Variants in HEXB observed in about 807,000 individuals in gnomAD.
HEXB encodes beta-hexosaminidase subunit beta.
In HEXB, 51 loss-of-function variants were observed where a neutral mutation model predicts 71.2. The observed-to-expected ratio is 0.72, with a 90% CI of 0.57 to 0.90. HEXB has a LOEUF of 0.90. Ranked by LOEUF, HEXB falls within the 40% of genes least tolerant of loss-of-function variation. The pLI is 0.00. For synonymous variants in HEXB, 266 were observed against 249.3 expected, an observed-to-expected ratio of 1.07 and a Z score of -0.63; for missense variants, 617 against 677.0, an observed-to-expected ratio of 0.91 and a Z score of 0.98.
rs1748136528 is a variant in HEXB, at chr5:74,652,485, C to G, written c.-377+11927C>G. ...CGCTCCCATGTGTTGGGATGTTTTG[C>G]AAAATTTTTTACATTCAAAAGAGTC... On this transcript the variant is annotated intron_variant, in intron 1 of 13. Coordinates refer to the HEXB transcript ENST00000511181. This position sits in a 1 kb window ranked among gnomAD's most constrained non-coding sequence, Gnocchi z 5.4. 6.6e-6 allele frequency among the ~76,000 whole-genome samples: 1 copy of G among 152,134 alleles called. No homozygotes were observed. The highest frequency in any genetic ancestry group is 6.5e-5 in the Admixed American group (1 of 15,276).
At chr5:74,647,079 A>G (rs1436014061) in intron 1 of HEXB, among the ~76,000 whole-genome samples, 4 of 152,206 alleles carry the variant, frequency 2.6e-5, no homozygotes, top group East Asian at 1.9e-4. Flanking sequence ...ACTCAGATCT[A>G]TCAGAATCAC....
At chr5:74,677,644 C>T (rs569171181) in intron 1 of HEXB, among the ~76,000 whole-genome samples, 1 of 152,110 alleles carries the variant, frequency 6.6e-6, no homozygotes, top group East Asian at 1.9e-4. Context: ...ACTGTCACTG[C>T]TTCTTTTTGG....
intron 1 of HEXB, among the ~76,000 whole-genome samples, chr5:74,651,850 G>A (rs1257277682): frequency 6.6e-6 from 1 of 152,208 alleles, no homozygotes. Flanking sequence ...GTATGCCTTG[G>A]TGCTAGAAGT....
intron 1 of HEXB, among the ~76,000 whole-genome samples, chr5:74,663,889 G>T (rs1748378173): frequency 6.6e-6 from 1 of 152,180 alleles, no homozygotes; most frequent in African/African-American, 2.4e-5. Flanking sequence ...ATCTTGGGAG[G>T]CTGAGACAGG....
In HEXB at chr5:74,713,501, T is replaced by C. The variant is rs2112171612; in HGVS notation, c.772-5T>C. 2 of 1,610,816 alleles carry C rather than the reference T, an allele frequency of 1.2e-6. No homozygotes were observed. Among genetic ancestry groups the C allele is most frequent in the Middle Eastern group, 1.7e-4 (1 of 6,052 alleles). On this transcript the variant is annotated splice_region_variant and splice_polypyrimidine_tract_variant and intron_variant, in intron 6 of 13. Transcript: ENST00000261416. ...TTTTAACTTGAATAAATATGGCTTT[T>C]ACAGGGAAGCTATTCTTTGTCTCAT...
chr5:74,710,202 A>C (rs912235039), intron 6 of HEXB, among the ~76,000 whole-genome samples: 27 of 152,248 alleles, frequency 1.8e-4, no homozygotes, highest in African/African-American at 6.5e-4. Flanking sequence ...GATTATCTCA[A>C]TGGATGCAGA....
At chr5:74,719,963 A>ACG in intron 11 of HEXB, 1 of 180,468 alleles carries the variant, frequency 5.5e-6, no homozygotes, top group Non-Finnish European at 1.2e-5. Context: ...AAACACACAC[A>ACG]TTAAGTATTC....
intron 1 of HEXB, among the ~76,000 whole-genome samples, chr5:74,667,313 G>T (rs1187001574): frequency 6.6e-6 from 1 of 152,058 alleles, no homozygotes; most frequent in Non-Finnish European, 1.5e-5. Context: ...CAGCTATTCA[G>T]GAGGCTGAGG....
At chr5:74,656,517 AAATAAAATAAAATAAAATAAAAT>A (rs1359252222) in intron 1 of HEXB, among the ~76,000 whole-genome samples, 1,062 of 25,498 alleles carry the variant, frequency 0.042, 24 homozygotes, top group African/African-American at 0.12. Context: ...AAATAAAATA[AAATAAAATAAAATAAAATAAAAT>A]AAAAGTCAGG....
intron 6 of HEXB, among the ~76,000 whole-genome samples, chr5:74,708,144 T>A (rs1179201108): frequency 4.6e-5 from 7 of 151,880 alleles, no homozygotes; most frequent in Non-Finnish European, 8.8e-5. Context: ...TTCAACATTC[T>A]TAAAGAAAAG....
At chr5:74,700,499 G>T (rs1749237403) in intron 5 of HEXB, among the ~76,000 whole-genome samples, 1 of 149,822 alleles carries the variant, frequency 6.7e-6, no homozygotes, top group Non-Finnish European at 1.5e-5. Context: ...TAGAGATAGG[G>T]TCTCACCATA....
intron 1 of HEXB, among the ~76,000 whole-genome samples, chr5:74,677,277 G>C (rs1748648866): frequency 6.6e-6 from 1 of 152,056 alleles, no homozygotes; most frequent in Admixed American, 6.6e-5. Context: ...AAGCATAAAG[G>C]GAGGCCAGTT....
At chr5:74,691,162 G>C (rs1229318005) in intron 2 of HEXB, among the ~76,000 whole-genome samples, 2 of 152,084 alleles carry the variant, frequency 1.3e-5, no homozygotes, top group Non-Finnish European at 2.9e-5. Flanking sequence ...GAATAAACTA[G>C]TTTTTAGTCT....
intron 6 of HEXB, 132 bp from the exon 7 acceptor site, chr5:74,713,374 T>A: frequency 1.2e-6 from 1 of 824,018 alleles, no homozygotes; most frequent in Non-Finnish European, 2.0e-6. Context: ...TCATCTAATA[T>A]CACATGAAAC....
chr5:74,677,834 T>C (rs888427946), intron 1 of HEXB, among the ~76,000 whole-genome samples: 1 of 152,150 alleles, frequency 6.6e-6, no homozygotes, highest in Non-Finnish European at 1.5e-5. Context: ...ACCTAATGTG[T>C]AGTTTTTTTA....
At chr5:74,684,009 C>CG (rs1448701777), upstream of HEXB, among the ~76,000 whole-genome samples, 6 of 151,228 alleles carry the variant, frequency 4.0e-5, no homozygotes, top group South Asian at 2.1e-4. Flanking sequence ...TTAATAGAGA[C>CG]GGGGTTTCAC....
upstream of HEXB, chr5:74,685,169 C>T (rs1407998410): frequency 2.4e-5 from 33 of 1,348,820 alleles, no homozygotes; most frequent in East Asian, 1.4e-4. Flanking sequence ...GGTGACTCAC[C>T]CGCGGCCGCG....
At chr5:74,678,835 A>G (rs1456878753) in intron 1 of HEXB, among the ~76,000 whole-genome samples, 1 of 152,206 alleles carries the variant, frequency 6.6e-6, no homozygotes, top group Admixed American at 6.5e-5. Flanking sequence ...TTTAAAAATC[A>G]CCCATACAAA....
chr5:74,661,113 G>A (rs1030425310), intron 1 of HEXB, among the ~76,000 whole-genome samples: 6 of 152,184 alleles, frequency 3.9e-5, no homozygotes, highest in African/African-American at 1.2e-4. Flanking sequence ...GTCTGTGGGC[G>A]TCGGGGGCTG....
Sources: gnomAD v4.1 joint callset for allele counts (sites outside exome capture counted in the v4.1 genomes callset) on GRCh38, gnomAD v4.1.1 for gene constraint, Gnocchi (gnomAD v3.1) non-coding constraint, MANE v1.5 for transcripts, NCBI Gene and HGNC (gene_info 2026-07-23, HGNC 2026-07-21) for gene names.